EYA3: variants seen among roughly 807,000 people sequenced by gnomAD.
EYA3 encodes protein phosphatase EYA3.
EYA3 carries 39 observed loss-of-function variants against 80.0 expected under a neutral mutation model. That is an observed-to-expected ratio of 0.49 (90% CI 0.38 to 0.64). The LOEUF (loss-of-function observed/expected upper bound fraction) is 0.64. Ranked by LOEUF, EYA3 falls within the 30% of genes least tolerant of loss-of-function variation. EYA3 has a pLI of 0.00. For missense variants in EYA3, 523 were observed against 676.1 expected (o/e 0.77, Z 2.51); for synonymous variants, 206 against 232.8 (o/e 0.88, Z 1.05).
intron 1 of EYA3, 127 bp downstream of exon 1, chr1:28,088,397 A>G (rs1645751433): frequency 6.5e-6 from 1 of 153,150 alleles, no homozygotes; most frequent in Non-Finnish European, 1.5e-5. Flanking sequence ...TGAGTGAAGC[A>G]CTGCAGTGAC....
At chr1:28,056,426 C>G (rs72875050) in intron 2 of EYA3, among the ~76,000 whole-genome samples, 353 of 152,298 alleles carry the variant, frequency 2.3e-3, no homozygotes, top group African/African-American at 5.9e-3. Flanking sequence ...TGGTACTTCC[C>G]CCGTGTGGCA....
intron 16 of EYA3, among the ~76,000 whole-genome samples, chr1:27,986,924 G>A (rs903589400): frequency 4.6e-5 from 7 of 151,408 alleles, no homozygotes; most frequent in Non-Finnish European, 7.4e-5. Flanking sequence ...GGATAGTCTC[G>A]ATCTCCTGAC....
In EYA3 at chr1:27,983,483, T is replaced by C. The variant is rs575399629; in HGVS notation, c.1541-5009A>G. Among the ~76,000 whole-genome samples, 6 of 152,336 alleles carry C rather than the reference T, an allele frequency of 3.9e-5. No homozygotes were observed. In the South Asian group the frequency reaches 6.2e-4, roughly 16 times the overall value. ...GGTTGGAGAATGTACCACATTTAAA[T>C]TTGCATTTTCTTGATTTGCAGTTCC... On this transcript the variant is annotated intron_variant, in intron 16 of 17. Coordinates refer to ENST00000373871, the MANE Select transcript of EYA3 (RefSeq NM_001990.4).
At chr1:28,082,591 T>C (rs1305537323) in intron 1 of EYA3, among the ~76,000 whole-genome samples, 1 of 152,156 alleles carries the variant, frequency 6.6e-6, no homozygotes, top group Admixed American at 6.5e-5. Context: ...CCTGAAGAGA[T>C]GAATGTCCTT....
chr1:28,065,595 T>C (rs1360622869), intron 1 of EYA3, among the ~76,000 whole-genome samples: 2 of 151,910 alleles, frequency 1.3e-5, no homozygotes, highest in African/African-American at 2.4e-5. Flanking sequence ...GCATATGATT[T>C]TTTTTCTTTC....
chr1:28,026,759 A>AG (rs1331352936), intron 7 of EYA3, among the ~76,000 whole-genome samples: 27 of 142,914 alleles, frequency 1.9e-4, no homozygotes, highest in African/African-American at 5.9e-4. Context: ...GGACAAGGGG[A>AG]GAAAAAAAAA....
At chr1:28,048,325 G>GAAA in intron 3 of EYA3, 58 bp downstream of exon 3, 16 of 1,026,232 alleles carry the variant, frequency 1.6e-5, no homozygotes, top group Admixed American at 2.6e-5. Context: ...ATCAGCATGT[G>GAAA]AAAAAAAAAA....
chr1:28,074,912 T>C (rs1304155528), intron 1 of EYA3, among the ~76,000 whole-genome samples: 1 of 152,224 alleles, frequency 6.6e-6, no homozygotes, highest in Admixed American at 6.5e-5. Flanking sequence ...CCTGAACTAA[T>C]TATCTAAAAT....
intron 17 of EYA3, among the ~76,000 whole-genome samples, chr1:27,975,841 C>T (rs144095543): frequency 3.2e-4 from 48 of 152,174 alleles, no homozygotes; most frequent in Non-Finnish European, 5.9e-4. Flanking sequence ...GAGTCTCACT[C>T]TTTTGCCCAG....
At chr1:27,998,113 C>G (rs1050892804) in intron 12 of EYA3, among the ~76,000 whole-genome samples, 15 of 152,210 alleles carry the variant, frequency 9.9e-5, no homozygotes, top group Non-Finnish European at 2.9e-5. Flanking sequence ...TCTGATACCA[C>G]TTAGGGTACC....
chr1:28,004,831 A>T (rs1238714086), intron 10 of EYA3, among the ~76,000 whole-genome samples: 1 of 152,056 alleles, frequency 6.6e-6, no homozygotes, highest in Non-Finnish European at 1.5e-5. Context: ...GGAAATAACA[A>T]TGGCTAGAGC....
intron 7 of EYA3, among the ~76,000 whole-genome samples, chr1:28,018,435 A>G (rs1020688621): frequency 3.9e-5 from 6 of 152,190 alleles, no homozygotes; most frequent in Admixed American, 2.0e-4. Context: ...CTCATTTATC[A>G]TAAACACACT....
chr1:28,058,199 C>T (rs1571916317), intron 1 of EYA3, 105 bp from the exon 2 acceptor site: 1 of 443,898 alleles, frequency 2.3e-6, no homozygotes, highest in Non-Finnish European at 4.0e-6. Context: ...AAGCTTTCTA[C>T]GTGAGTTCCA....
At chr1:28,043,582 A>G (rs755049812) in intron 3 of EYA3, among the ~76,000 whole-genome samples, 1 of 152,198 alleles carries the variant, frequency 6.6e-6, no homozygotes, top group Non-Finnish European at 1.5e-5. Flanking sequence ...TTACACCTGT[A>G]ATCCCAGCAC....
At chr1:28,065,908 C>T (rs1644820050) in intron 1 of EYA3, among the ~76,000 whole-genome samples, 1 of 151,640 alleles carries the variant, frequency 6.6e-6, no homozygotes, top group Non-Finnish European at 1.5e-5. Context: ...GAGGCTGAGG[C>T]AGGAGAACTG....
At chr1:27,976,228 G>A (rs976825066) in intron 17 of EYA3, among the ~76,000 whole-genome samples, 4 of 152,198 alleles carry the variant, frequency 2.6e-5, no homozygotes, top group African/African-American at 9.7e-5. Flanking sequence ...GGGAGTCTGA[G>A]GTGGGTGGAT....
intron 1 of EYA3, among the ~76,000 whole-genome samples, chr1:28,080,739 G>C (rs1048198103): frequency 3.3e-5 from 5 of 151,792 alleles, no homozygotes; most frequent in Admixed American, 2.0e-4. Flanking sequence ...TTCAGAGTTT[G>C]ATGGTTCTCT....
At chr1:28,035,470 G>A in intron 6 of EYA3, 74 bp downstream of exon 6, 1 of 1,514,630 alleles carries the variant, frequency 6.6e-7, no homozygotes, top group Non-Finnish European at 9.0e-7. Flanking sequence ...TGTAAAGAAT[G>A]ATGCATGGCT....
chr1:28,025,000 A>G (rs1288460601), intron 7 of EYA3, among the ~76,000 whole-genome samples: 1 of 152,194 alleles, frequency 6.6e-6, no homozygotes, highest in Non-Finnish European at 1.5e-5. Flanking sequence ...CAACTGCAGA[A>G]TGCTTGGGGT....
Sources: gnomAD v4.1 joint callset for allele counts (sites outside exome capture counted in the v4.1 genomes callset) on GRCh38, gnomAD v4.1.1 for gene constraint, MANE v1.5 for transcripts, NCBI Gene and HGNC (gene_info 2026-07-23, HGNC 2026-07-21) for gene names.